Variants in SCAF11 observed in about 807,000 individuals in gnomAD.
SCAF11 encodes protein SCAF11.
A neutral mutation model predicts 140.5 loss-of-function variants in SCAF11; 47 were observed. That is an observed-to-expected ratio of 0.33 (90% confidence interval 0.26 to 0.43). The LOEUF (loss-of-function observed/expected upper bound fraction) is 0.43, where lower values mean the gene tolerates loss of function less well. SCAF11 is among the 20% of genes least tolerant of loss of function. The pLI is 1.00. For missense variants in SCAF11, 1,645 were observed against 1,705.1 expected, an observed-to-expected ratio of 0.96 and a Z score of 0.62; for synonymous variants, 557 against 579.4, an observed-to-expected ratio of 0.96 and a Z score of 0.55.
intron 1 of SCAF11, among the ~76,000 whole-genome samples, chr12:45,981,261 G>A (rs1384283078): frequency 6.6e-6 from 1 of 152,166 alleles, no homozygotes; most frequent in African/African-American, 2.4e-5. Context: ...AAGTATATCA[G>A]TAAGACATGT....
intron 3 of SCAF11, 149 bp downstream of exon 3, chr12:45,961,551 A>G (rs1308689416): frequency 4.6e-6 from 3 of 652,802 alleles, no homozygotes; most frequent in Non-Finnish European, 7.5e-6. Flanking sequence ...GAAGAAAATG[A>G]CTGACAGAAT....
chr12:45,959,962 A>G (rs755588126), intron 3 of SCAF11, among the ~76,000 whole-genome samples: 9 of 152,214 alleles, frequency 5.9e-5, no homozygotes, highest in Non-Finnish European at 1.2e-4. Context: ...CAGCATAAAG[A>G]TAAGTACTTT....
intron 1 of SCAF11, among the ~76,000 whole-genome samples, chr12:45,981,773 G>A (rs1386100978): frequency 6.6e-6 from 1 of 152,078 alleles, no homozygotes; most frequent in Non-Finnish European, 1.5e-5. Context: ...CCAGCCAGGG[G>A]ACAGAGTGAG....
At chr12:45,959,933 G>C (rs1283567292) in intron 3 of SCAF11, among the ~76,000 whole-genome samples, 2 of 152,090 alleles carry the variant, frequency 1.3e-5, no homozygotes, top group East Asian at 3.9e-4. Flanking sequence ...TGCCTACCCA[G>C]CATCACAGTT....
chr12:45,919,890 C>G lies in SCAF11; in HGVS notation c.*2158G>C, dbSNP rs1944666146. On this transcript the variant is annotated 3_prime_UTR_variant, in exon 15 of 15. Transcript: ENST00000369367. Reference sequence around the variant, plus strand: ...ATAAAACACATTTTAAAATGTCACCCAATTCTCAAATGTCACTGAAAGAAA... The same window carrying G: ...ATAAAACACATTTTAAAATGTCACCGAATTCTCAAATGTCACTGAAAGAAA... 6.6e-6 allele frequency: 1 copy of G among 152,148 alleles called. No homozygotes were observed. Among genetic ancestry groups the G allele is most frequent in the East Asian group, 1.9e-4 (1 of 5,200 alleles). 9.4% of individuals were successfully genotyped at this position (152,148 alleles called of 1,614,324 possible).
intron 10 of SCAF11, among the ~76,000 whole-genome samples, chr12:45,930,235 A>T (rs1437908227): frequency 4.6e-5 from 7 of 152,146 alleles, no homozygotes; most frequent in Admixed American, 2.6e-4. Context: ...TAAAGCCATA[A>T]TTTTGCTTCT....
At chr12:45,982,123 C>A (rs937002014) in intron 1 of SCAF11, among the ~76,000 whole-genome samples, 2 of 152,102 alleles carry the variant, frequency 1.3e-5, no homozygotes, top group African/African-American at 4.8e-5. Flanking sequence ...AGTTCTGTGG[C>A]AGTTTTGAAA....
intron 6 of SCAF11, among the ~76,000 whole-genome samples, chr12:45,938,233 TA>T (rs1945213593): frequency 6.6e-6 from 1 of 152,354 alleles, no homozygotes; most frequent in East Asian, 1.9e-4. Flanking sequence ...CTCACAACTG[TA>T]ATCCCAGCAC....
chr12:45,938,939 C>G (rs1446904422), intron 6 of SCAF11, among the ~76,000 whole-genome samples: 1 of 147,458 alleles, frequency 6.8e-6, no homozygotes, highest in Admixed American at 6.9e-5. Context: ...ATGTTCATTC[C>G]AAGAAACAAA....
At position 45,927,636 on chromosome 12, in the gene SCAF11, T is replaced by G; in HGVS notation, c.2065A>C (p.Thr689Pro). Residue 689 changes from threonine (T) to proline (P), a missense_variant, in exon 11 of 15, where the codon ACC becomes CCC. By Grantham distance (38) the Thr-to-Pro change is conservative. Coordinates refer to ENST00000369367, the MANE Select transcript of SCAF11 (RefSeq NM_004719.3). ...AACTCTGTAGATCTAGGATGTTCGG[T>G]CAGCGATTCATTCTTTTCTTCTAAA... ...KSLEEKNESL[T>P]EHPRSTELPK... 6.2e-7 allele frequency: 1 copy of G among 1,612,452 alleles called. No homozygotes were observed. Among genetic ancestry groups the G allele is most frequent in the Non-Finnish European group, 8.5e-7 (1 of 1,179,996 alleles).
In SCAF11 at chr12:45,972,945, T is replaced by TATATAGATATATAGATATATAG. The variant is rs1946132501; in HGVS notation, c.-21-8758_-21-8757insCTATATATCTATATATCTATAT. 7.6e-4 allele frequency among the ~76,000 whole-genome samples: 75 copies of TATATAGATATATAGATATATAG among 99,174 alleles called. 4 individuals carry two copies. Among genetic ancestry groups the TATATAGATATATAGATATATAG allele is most frequent in the African/African-American group, 1.6e-3 (32 of 20,256 alleles). The allele number at this position is 99,174 out of a possible 152,430, so 65.1% of individuals were successfully genotyped here. A position where few individuals can be genotyped will look rare whatever the true frequency, so the allele number is the denominator to read the frequency against. On this transcript the variant is annotated intron_variant, in intron 1 of 14. Coordinates refer to ENST00000369367, the MANE Select transcript of SCAF11 (RefSeq NM_004719.3). ...AGATATATAGATATATATAGATATA[T>TATATAGATATATAGATATATAG]ATATAGATATATAGATATATATATA...
intron 6 of SCAF11, chr12:45,944,972 A>C (rs1945385834): frequency 2.6e-6 from 1 of 391,264 alleles, no homozygotes; most frequent in South Asian, 3.7e-5. Flanking sequence ...ATAAGGCCAC[A>C]GTATGAGCTG....
intron 5 of SCAF11, among the ~76,000 whole-genome samples, chr12:45,946,096 T>C (rs1945416995): frequency 6.6e-6 from 1 of 152,092 alleles, no homozygotes; most frequent in African/African-American, 2.4e-5. Context: ...AAAAGGACCA[T>C]TAGGAAATTC....
intron 3 of SCAF11, chr12:45,955,910 G>T: frequency 1.8e-6 from 1 of 540,962 alleles, no homozygotes; most frequent in African/African-American, 1.9e-5. Context: ...AGTGTAATGT[G>T]TATTAAACAG....
intron 6 of SCAF11, among the ~76,000 whole-genome samples, chr12:45,939,858 G>A (rs189150082): frequency 6.6e-6 from 1 of 152,244 alleles, no homozygotes; most frequent in Non-Finnish European, 1.5e-5. Flanking sequence ...TTATCCTTAG[G>A]CTATATCATG....
chr12:45,979,017 T>G (rs1022030876), intron 1 of SCAF11, among the ~76,000 whole-genome samples: 12 of 151,840 alleles, frequency 7.9e-5, no homozygotes, highest in Non-Finnish European at 1.3e-4. Flanking sequence ...CAGTGCCTGG[T>G]GAGGATCCGG....
chr12:45,928,288 T>C lies in SCAF11; in HGVS notation c.1413A>G (p.Gly471=), dbSNP rs762808391. ...TANYDTEERV[G]SSSSESCAQD... Reference sequence around the variant, plus strand: ...GAGCACAAGACTCAGAAGATGAAGATCCTACTCTTTCCTCTGTATCATAAT... The same window carrying C: ...GAGCACAAGACTCAGAAGATGAAGACCCTACTCTTTCCTCTGTATCATAAT... The change falls in exon 11 of 15, where the codon GGA becomes GGG. Residue 471 remains glycine, a synonymous_variant. Coordinates refer to ENST00000369367, the MANE Select transcript of SCAF11 (RefSeq NM_004719.3). 2 of 1,613,860 alleles carry C rather than the reference T, an allele frequency of 1.2e-6. No homozygotes were observed. Among genetic ancestry groups the C allele is most frequent in the African/African-American group, 2.7e-5 (2 of 74,920 alleles).
intron 6 of SCAF11, among the ~76,000 whole-genome samples, chr12:45,938,458 C>T (rs928429755): frequency 1.3e-5 from 2 of 152,018 alleles, no homozygotes; most frequent in African/African-American, 2.4e-5. Context: ...CACTGTACTC[C>T]AGCCTGGGTG....
At chr12:45,981,194 A>G (rs1946341391) in intron 1 of SCAF11, among the ~76,000 whole-genome samples, 1 of 152,220 alleles carries the variant, frequency 6.6e-6, no homozygotes, top group East Asian at 1.9e-4. Flanking sequence ...CTAACTGGCC[A>G]GTCTTCTGCT....
Sources: gnomAD v4.1 joint callset for allele counts (sites outside exome capture counted in the v4.1 genomes callset) on GRCh38, gnomAD v4.1.1 for gene constraint, MANE v1.5 for transcripts, NCBI Gene and HGNC (gene_info 2026-07-23, HGNC 2026-07-21) for gene names.